The following HERC3 variants were observed in gnomAD, a reference collection of about 807,000 sequenced individuals.
HERC3 encodes the protein HECT and RLD domain containing E3 ubiquitin protein ligase 3.
Under a neutral mutation model 129.9 loss-of-function variants are expected in HERC3, and 58 were observed. That is an observed-to-expected ratio of 0.45 (90% confidence interval 0.36 to 0.56). The LOEUF (loss-of-function observed/expected upper bound fraction) is 0.56, where lower values mean the gene tolerates loss of function less well. HERC3 is among the 20% of genes least tolerant of loss of function. HERC3 has a pLI of 0.00. For missense variants in HERC3, 835 were observed against 1,244.2 expected (o/e 0.67, Z 4.95); for synonymous variants, 430 against 451.0 (o/e 0.95, Z 0.59).
intron 3 of HERC3, among the ~76,000 whole-genome samples, chr4:88,624,653 C>G (rs1725893115): frequency 6.6e-6 from 1 of 152,158 alleles, no homozygotes; most frequent in Non-Finnish European, 1.5e-5. Context: ...TCCTTCCAAT[C>G]TGGTTTTCCT....
At chr4:88,704,718 C>A in intron 25 of HERC3, 108 bp downstream of exon 25, 1 of 692,986 alleles carries the variant, frequency 1.4e-6, no homozygotes, top group Non-Finnish European at 2.6e-6. Flanking sequence ...ATGGTAAAGA[C>A]CAGGTAATTC....
the HERC3 span, among the ~76,000 whole-genome samples, chr4:88,577,194 T>C: frequency 1.3e-5 from 2 of 152,182 alleles, no homozygotes; most frequent in East Asian, 3.8e-4. Context: ...AAAATAGGCC[T>C]CTGTTTTGGT....
intron 23 of HERC3, among the ~76,000 whole-genome samples, chr4:88,689,349 T>TAA (rs143398618): frequency 3.7e-4 from 45 of 121,082 alleles, no homozygotes; most frequent in African/African-American, 1.2e-3. Flanking sequence ...TACAAAAAAG[T>TAA]AAAAAAAAAA....
intron 11 of HERC3, 73 bp downstream of exon 11, chr4:88,662,628 G>T: frequency 6.9e-7 from 1 of 1,456,106 alleles, no homozygotes; most frequent in Non-Finnish European, 9.4e-7. Flanking sequence ...GTGATTTTCC[G>T]TACTTGCATA....
chr4:88,565,961 C>T, the HERC3 span, among the ~76,000 whole-genome samples: 1 of 151,448 alleles, frequency 6.6e-6, no homozygotes, highest in South Asian at 2.1e-4. Context: ...TTTTCCAACT[C>T]TTGTTTCCAT....
intron 2 of HERC3, among the ~76,000 whole-genome samples, chr4:88,595,841 CTTTTT>C (rs532515500): frequency 1.0e-4 from 8 of 80,246 alleles, no homozygotes; most frequent in Non-Finnish European, 1.6e-4. Flanking sequence ...GCACTTAATT[CTTTTT>C]TTTTTTTTTT....
chr4:88,531,600 T>C, the HERC3 span, among the ~76,000 whole-genome samples: 2 of 152,200 alleles, frequency 1.3e-5, no homozygotes, highest in Non-Finnish European at 2.9e-5. Context: ...CATCTGAAGA[T>C]GAGCTGTTGC....
chr4:88,533,558 C>T, the HERC3 span, among the ~76,000 whole-genome samples: 3 of 152,194 alleles, frequency 2.0e-5, no homozygotes, highest in African/African-American at 7.2e-5. Flanking sequence ...TCAAGGTTTT[C>T]CTTGTCATGA....
At chr4:88,628,774 G>A (rs988690645) in intron 3 of HERC3, among the ~76,000 whole-genome samples, 1 of 152,166 alleles carries the variant, frequency 6.6e-6, no homozygotes, top group Admixed American at 6.5e-5. Context: ...AAAACAATCT[G>A]CAGGCTTGGG....
chr4:88,651,877 T>C, intron 4 of HERC3, 135 bp from the exon 5 acceptor site: 1 of 690,936 alleles, frequency 1.4e-6, no homozygotes, highest in Non-Finnish European at 2.5e-6. Context: ...CGTGAACCAC[T>C]GTGCCTGGCC....
In HERC3 at chr4:88,626,988, C is replaced by T. The variant is rs546381574; in HGVS notation, c.226+20939C>T. The stretch of plus-strand genomic sequence containing the variant: ...AGTTTCTTAGTGTGGAAACCTAAAT[C>T]ACTGATTTATAACTTTTCTTTTATT... On this transcript the variant is annotated intron_variant, in intron 3 of 25. Transcript: ENST00000402738. Among the ~76,000 whole-genome samples the T allele has an allele frequency of 5.0e-4, 76 of 152,154 alleles. No homozygotes were observed. The South Asian group carries it at 0.015, about 30-fold the overall frequency.
At chr4:88,693,281 A>G (rs987971431) in intron 23 of HERC3, 29 of 975,172 alleles carry the variant, frequency 3.0e-5, no homozygotes, top group Non-Finnish European at 3.3e-5. Context: ...TTGCTTTTTA[A>G]TGATAAGGTC....
the HERC3 span, among the ~76,000 whole-genome samples, chr4:88,549,918 G>C: frequency 6.8e-4 from 103 of 152,244 alleles, no homozygotes; most frequent in African/African-American, 2.2e-3. Context: ...ATATGGCTCA[G>C]GCACCTAGAA....
the HERC3 span, among the ~76,000 whole-genome samples, chr4:88,581,873 C>T: frequency 6.6e-6 from 1 of 152,190 alleles, no homozygotes; most frequent in South Asian, 2.1e-4. Context: ...ATTAAAATAA[C>T]TCAATAAATA....
chr4:88,655,433 T>C (rs3887216), intron 8 of HERC3, 129 bp downstream of exon 8: 5 of 1,022,126 alleles, frequency 4.9e-6, no homozygotes, highest in Admixed American at 4.4e-5. Context: ...TGCACGCCTA[T>C]GGTGAAATGT....
intron 25 of HERC3, among the ~76,000 whole-genome samples, chr4:88,706,100 T>C (rs1735754706): frequency 6.6e-6 from 1 of 152,220 alleles, no homozygotes; most frequent in Admixed American, 6.5e-5. Context: ...CTCTGGAGAT[T>C]TTTGGCAAGA....
chr4:88,536,960 T>C, the HERC3 span, among the ~76,000 whole-genome samples: 2 of 152,222 alleles, frequency 1.3e-5, no homozygotes, highest in Non-Finnish European at 2.9e-5. Flanking sequence ...AATTCTTATA[T>C]ACTTTCACCT....
chr4:88,594,863 G>A (rs748283544), intron 1 of HERC3, among the ~76,000 whole-genome samples: 2 of 152,042 alleles, frequency 1.3e-5, no homozygotes, highest in African/African-American at 4.8e-5. Flanking sequence ...CACTTTGGGC[G>A]GCTTGAGACG....
At chr4:88,672,292 CTTTT>C (rs1731692289) in intron 16 of HERC3, among the ~76,000 whole-genome samples, 1 of 152,092 alleles carries the variant, frequency 6.6e-6, no homozygotes, top group Non-Finnish European at 1.5e-5. Context: ...AACTTCCTTT[CTTTT>C]AACATTTGAT....
Sources: allele counts gnomAD v4.1 joint callset (sites outside exome capture counted in the v4.1 genomes callset), GRCh38; gene constraint gnomAD v4.1.1; transcripts MANE v1.5; gene names NCBI Gene and HGNC (gene_info 2026-07-23, HGNC 2026-07-21).